SCML4: variants seen among roughly 807,000 people sequenced by gnomAD.
SCML4 encodes the protein Scm polycomb group protein like 4.
A neutral mutation model predicts 41.1 loss-of-function variants in SCML4; 34 were observed. That is an observed-to-expected ratio of 0.83 (90% CI 0.63 to 1.10). The LOEUF (loss-of-function observed/expected upper bound fraction) is 1.10, where lower values mean the gene tolerates loss of function less well. SCML4 is among the 50% of genes least tolerant of loss of function. The probability of loss-of-function intolerance (pLI) is 0.00; values close to 1 mark genes in which losing one functional copy is unlikely to be tolerated. For synonymous variants in SCML4, 214 were observed against 220.9 expected, an observed-to-expected ratio of 0.97 and a Z score of 0.28; for missense variants, 522 against 534.1, an observed-to-expected ratio of 0.98 and a Z score of 0.22.
chr6:107,795,768 C>T (rs1782662822), intron 1 of SCML4, among the ~76,000 whole-genome samples: 1 of 152,168 alleles, frequency 6.6e-6, no homozygotes, highest in African/African-American at 2.4e-5. Context: ...ACCTCATGAT[C>T]CACCTGCCTT....
chr6:107,764,492 A>G (rs1779874423), intron 2 of SCML4, among the ~76,000 whole-genome samples: 1 of 152,042 alleles, frequency 6.6e-6, no homozygotes, highest in African/African-American at 2.4e-5. Context: ...TTCGGATCCT[A>G]TGGGTTCAGA....
At chr6:107,770,210 T>C (rs1335038402) in intron 2 of SCML4, among the ~76,000 whole-genome samples, 1 of 152,198 alleles carries the variant, frequency 6.6e-6, no homozygotes, top group African/African-American at 2.4e-5. Flanking sequence ...ACTAAGAACA[T>C]TTTTAAAAAT....
At chr6:107,778,962 C>T (rs1186606403) in intron 1 of SCML4, among the ~76,000 whole-genome samples, 1 of 152,084 alleles carries the variant, frequency 6.6e-6, no homozygotes, top group Non-Finnish European at 1.5e-5. Context: ...GGGCGGATCA[C>T]GAGGTCAGGA....
intron 1 of SCML4, among the ~76,000 whole-genome samples, chr6:107,797,148 T>C (rs1782771180): frequency 6.6e-6 from 1 of 152,134 alleles, no homozygotes; most frequent in African/African-American, 2.4e-5. Context: ...TTTTGTAATT[T>C]GCATTTGAAT....
At chr6:107,779,178 T>C (rs184057559) in intron 1 of SCML4, among the ~76,000 whole-genome samples, 27,445 of 110,706 alleles carry the variant, frequency 0.25, 3,043 homozygotes, top group South Asian at 0.41. Flanking sequence ...AGACTCCATC[T>C]CAAAATAAAT....
chr6:107,825,275 G>A (rs563492176), upstream of SCML4, among the ~76,000 whole-genome samples: 139 of 152,292 alleles, frequency 9.1e-4, no homozygotes, highest in African/African-American at 3.2e-3. Flanking sequence ...TTACTCCTAG[G>A]GATGAGCAGC....
chr6:107,705,352 TA>T, intron 7 of SCML4, 27 bp from the exon 8 acceptor site: 1 of 1,550,236 alleles, frequency 6.5e-7, no homozygotes, highest in Non-Finnish European at 8.7e-7. Context: ...AGAAGAAAGA[TA>T]AACCCAGAAG....
chr6:107,775,153 AC>A (rs1196340378), intron 1 of SCML4, among the ~76,000 whole-genome samples: 10 of 152,200 alleles, frequency 6.6e-5, no homozygotes, highest in African/African-American at 2.4e-4. Context: ...TAATGGAGTC[AC>A]CATGGTGGCA....
intron 1 of SCML4, among the ~76,000 whole-genome samples, chr6:107,779,743 C>T (rs1387522333): frequency 2.0e-5 from 3 of 152,150 alleles, no homozygotes; most frequent in South Asian, 2.1e-4. Context: ...TCCTAATGCT[C>T]GTGTGTCTGC....
At chr6:107,713,769 G>A (rs1351094491) in intron 6 of SCML4, among the ~76,000 whole-genome samples, 3 of 152,140 alleles carry the variant, frequency 2.0e-5, no homozygotes, top group Admixed American at 6.5e-5. Context: ...GGGAGGACCG[G>A]GGCTGGCAAG....
chr6:107,795,320 C>T (rs1782625013), intron 1 of SCML4, among the ~76,000 whole-genome samples: 1 of 151,846 alleles, frequency 6.6e-6, no homozygotes, highest in South Asian at 2.1e-4. Context: ...TTTTTTTAAC[C>T]TCCCTGCTAA....
intron 1 of SCML4, among the ~76,000 whole-genome samples, chr6:107,797,257 T>C (rs1181047411): frequency 1.3e-5 from 2 of 152,132 alleles, no homozygotes; most frequent in Non-Finnish European, 2.9e-5. Context: ...AGTCTTACAA[T>C]CCATACATAT....
chr6:107,833,076 T>C, the SCML4 span, among the ~76,000 whole-genome samples: 2 of 152,000 alleles, frequency 1.3e-5, no homozygotes, highest in Non-Finnish European at 2.9e-5. Flanking sequence ...GTTGCGAATA[T>C]TGGGATATAA....
chr6:107,707,266 C>G (rs1773738568), intron 7 of SCML4, among the ~76,000 whole-genome samples: 1 of 152,178 alleles, frequency 6.6e-6, no homozygotes, highest in African/African-American at 2.4e-5. Flanking sequence ...TGAGATCGCA[C>G]TACTGCATTC....
chr6:107,765,082 A>T (rs913168536), intron 2 of SCML4, among the ~76,000 whole-genome samples: 2 of 152,248 alleles, frequency 1.3e-5, no homozygotes, highest in African/African-American at 4.8e-5. Flanking sequence ...AGGATTCAGA[A>T]AAACATCTAT....
intron 5 of SCML4, among the ~76,000 whole-genome samples, chr6:107,742,540 G>A (rs1431155907): frequency 1.3e-5 from 2 of 151,964 alleles, no homozygotes; most frequent in African/African-American, 4.8e-5. Flanking sequence ...AATCCTAAAA[G>A]CAGCAACAAA....
intron 5 of SCML4, among the ~76,000 whole-genome samples, chr6:107,739,299 G>A (rs1777368350): frequency 1.3e-5 from 2 of 151,670 alleles, no homozygotes; most frequent in African/African-American, 4.8e-5. Context: ...TGTTCTACAG[G>A]ACCACAGAGA....
At chr6:107,782,584 G>A (rs1443209952) in intron 1 of SCML4, among the ~76,000 whole-genome samples, 1 of 152,274 alleles carries the variant, frequency 6.6e-6, no homozygotes, top group East Asian at 1.9e-4. Context: ...CAAAGCAGGT[G>A]TTGTTCCCCT....
In SCML4 at chr6:107,751,947, C is replaced by A. The variant is rs79212428; in HGVS notation, c.157-2134G>T. Among the ~76,000 whole-genome samples, 887 of 152,146 alleles carry A rather than the reference C, an allele frequency of 5.8e-3. 7 individuals carry two copies. The highest frequency in any genetic ancestry group is 0.021 in the African/African-American group (862 of 41,512). On this transcript the variant is annotated intron_variant, in intron 2 of 7. Coordinates refer to ENST00000369020, the MANE Select transcript of SCML4 (RefSeq NM_198081.5). ...TGTGCCCGACCAACAGTCTTTCTGA[C>A]TATGGTATTGAGAAAAGACTGAAAG...
Sources: gnomAD v4.1 joint callset for allele counts (sites outside exome capture counted in the v4.1 genomes callset) on GRCh38, gnomAD v4.1.1 for gene constraint, MANE v1.5 for transcripts, NCBI Gene and HGNC (gene_info 2026-07-23, HGNC 2026-07-21) for gene names.